Variants in DLG2 observed in about 807,000 individuals in gnomAD.
DLG2 encodes disks large homolog 2.
In DLG2, 45 loss-of-function variants were observed where a neutral mutation model predicts 132.5. The ratio of observed to expected loss-of-function variants is 0.34; its 90% CI spans 0.27 to 0.44. DLG2 has a LOEUF of 0.44. DLG2 is among the 20% of genes least tolerant of loss of function. DLG2 has a pLI of 1.00. For missense variants in DLG2, 1,045 were observed against 1,196.9 expected, an observed-to-expected ratio of 0.87 and a Z score of 1.87; for synonymous variants, 424 against 419.6, an observed-to-expected ratio of 1.01 and a Z score of -0.13.
intron 21 of DLG2, among the ~76,000 whole-genome samples, chr11:83,522,340 G>A (rs2095502552): frequency 7.0e-6 from 1 of 143,150 alleles, no homozygotes; most frequent in South Asian, 2.3e-4. Flanking sequence ...TGTACCAAAA[G>A]AAAGTCTTGG....
At chr11:84,513,067 C>T (rs10898253) in intron 7 of DLG2, among the ~76,000 whole-genome samples, 64,025 of 151,812 alleles carry the variant, frequency 0.42, 14,469 homozygotes, top group African/African-American at 0.57. Flanking sequence ...TACAGGTTAA[C>T]AGGTGCAGCA....
At chr11:83,738,997 A>G (rs995783999) in intron 18 of DLG2, among the ~76,000 whole-genome samples, 2 of 152,122 alleles carry the variant, frequency 1.3e-5, no homozygotes, top group African/African-American at 4.8e-5. Context: ...TGATGGTTCA[A>G]ATGGTTCTAT....
intron 18 of DLG2, among the ~76,000 whole-genome samples, chr11:83,785,027 A>G (rs78503186): frequency 2.6e-3 from 393 of 152,078 alleles, no homozygotes; most frequent in African/African-American, 9.1e-3. Flanking sequence ...GTACCAGCAT[A>G]TATCTTTTAA....
chr11:84,595,485 TA>T (rs111591484), intron 6 of DLG2, among the ~76,000 whole-genome samples: 632 of 135,278 alleles, frequency 4.7e-3, no homozygotes, highest in Middle Eastern at 7.5e-3. Flanking sequence ...TTCCTTTTTC[TA>T]AAAAAAAAAA....
At chr11:84,038,393 A>C (rs2095936182) in intron 11 of DLG2, among the ~76,000 whole-genome samples, 1 of 152,166 alleles carries the variant, frequency 6.6e-6, no homozygotes, top group Admixed American at 6.6e-5. Context: ...TCACATGAAA[A>C]AAAGCTCAAC....
At position 84,221,760 on chromosome 11, in the gene DLG2, T is replaced by C. The variant is rs186141494; in HGVS notation, c.573+29478A>G. Reference sequence around the variant, plus strand: ...ACAATTTGAAGGCAAGGACTCTCTTTGCTTATCCACAGTGACTACTGCCAC... The same window carrying C: ...ACAATTTGAAGGCAAGGACTCTCTTCGCTTATCCACAGTGACTACTGCCAC... On this transcript the variant is annotated intron_variant, in intron 8 of 27. Coordinates refer to ENST00000376104, the MANE Select transcript of DLG2 (RefSeq NM_001142699.3). Among the ~76,000 whole-genome samples the C allele has an allele frequency of 2.4e-3, 360 of 152,276 alleles. 2 individuals carry two copies. The highest frequency in any genetic ancestry group is 8.4e-3 in the African/African-American group (349 of 41,564).
chr11:85,115,227 G>C (rs1302284971), intron 5 of DLG2, among the ~76,000 whole-genome samples: 1 of 151,718 alleles, frequency 6.6e-6, no homozygotes, highest in Non-Finnish European at 1.5e-5. Context: ...TTTAAATTTA[G>C]AACTAAAAAA....
intron 6 of DLG2, among the ~76,000 whole-genome samples, chr11:84,644,515 G>A (rs1027011088): frequency 6.6e-6 from 1 of 151,718 alleles, no homozygotes; most frequent in Non-Finnish European, 1.5e-5. Context: ...GACCATCCTG[G>A]CTAACACAGT....
intron 3 of DLG2, among the ~76,000 whole-genome samples, chr11:85,290,257 G>T (rs964846675): frequency 1.3e-5 from 2 of 152,024 alleles, no homozygotes; most frequent in Admixed American, 1.3e-4. Context: ...TCTTGAAGAC[G>T]TGTCCATTTT....
chr11:84,493,362 A>G (rs563522059), intron 7 of DLG2, among the ~76,000 whole-genome samples: 1 of 152,122 alleles, frequency 6.6e-6, no homozygotes, highest in Non-Finnish European at 1.5e-5. Flanking sequence ...TTATCTAAAT[A>G]TAAGTAGTGG....
chr11:84,145,887 T>C (rs1385595478), intron 9 of DLG2, among the ~76,000 whole-genome samples: 2 of 152,204 alleles, frequency 1.3e-5, no homozygotes, highest in Non-Finnish European at 2.9e-5. Flanking sequence ...TTCTCATTCC[T>C]GACACTTTGA....
chr11:84,248,943 T>C (rs2097337871), intron 8 of DLG2, among the ~76,000 whole-genome samples: 1 of 152,146 alleles, frequency 6.6e-6, no homozygotes, highest in South Asian at 2.1e-4. Context: ...AAACCTGGTA[T>C]TTGGAAGAAT....
At chr11:85,395,521 C>A (rs902991157) in intron 3 of DLG2, among the ~76,000 whole-genome samples, 3 of 152,120 alleles carry the variant, frequency 2.0e-5, no homozygotes, top group Admixed American at 1.3e-4. Context: ...CCGTGACAGG[C>A]CATACCTAGA....
At chr11:83,850,235 C>G in intron 16 of DLG2, among the ~76,000 whole-genome samples, 1 of 151,538 alleles carries the variant, frequency 6.6e-6, no homozygotes. Context: ...CTCACTGCAA[C>G]CTCCGCTTCC....
At chr11:84,648,626 C>T (rs1055858268) in intron 6 of DLG2, among the ~76,000 whole-genome samples, 12 of 152,052 alleles carry the variant, frequency 7.9e-5, no homozygotes, top group African/African-American at 2.9e-4. Flanking sequence ...GGGTGCCTTC[C>T]TTTTGGTAAT....
chr11:84,860,692 C>A (rs2083482059), intron 6 of DLG2, among the ~76,000 whole-genome samples: 1 of 152,014 alleles, frequency 6.6e-6, no homozygotes, highest in African/African-American at 2.4e-5. Flanking sequence ...CCAAACTCTG[C>A]CTTCTTTTCA....
chr11:84,276,621 C>T (rs80140888), intron 7 of DLG2, among the ~76,000 whole-genome samples: 5,629 of 152,290 alleles, frequency 0.037, 152 homozygotes, highest in Non-Finnish European at 0.062. Flanking sequence ...TAGCACGATG[C>T]TTGATAAGTA....
intron 6 of DLG2, among the ~76,000 whole-genome samples, chr11:85,076,666 A>G (rs1176666514): frequency 1.3e-5 from 2 of 152,030 alleles, no homozygotes; most frequent in African/African-American, 4.8e-5. Context: ...TATCTAGAGC[A>G]TTCCTCTGCT....
At chr11:85,252,899 A>G (rs1316712592) in intron 4 of DLG2, among the ~76,000 whole-genome samples, 1 of 152,184 alleles carries the variant, frequency 6.6e-6, no homozygotes, top group Admixed American at 6.5e-5. Context: ...CTAGCAATTA[A>G]AACTAATTAA....
Sources: gnomAD v4.1 joint callset for allele counts (sites outside exome capture counted in the v4.1 genomes callset) on GRCh38, gnomAD v4.1.1 for gene constraint, MANE v1.5 for transcripts, NCBI Gene and HGNC (gene_info 2026-07-23, HGNC 2026-07-21) for gene names.